Variants in B3GALT1 observed in about 807,000 individuals in gnomAD.
B3GALT1 encodes the protein UDP-Gal:betaGlcNAc beta 1,3-galactosyltransferase, polypeptide 1.
B3GALT1 carries 10 observed loss-of-function variants against 23.2 expected under a neutral mutation model. The observed-to-expected ratio is 0.43, with a 90% CI of 0.27 to 0.73. B3GALT1 has a LOEUF of 0.73. Ranked by LOEUF, B3GALT1 falls within the 30% of genes least tolerant of loss-of-function variation. The pLI is 0.21. For missense variants in B3GALT1, 299 were observed against 405.4 expected, an observed-to-expected ratio of 0.74 and a Z score of 2.25; for synonymous variants, 156 against 141.5, an observed-to-expected ratio of 1.10 and a Z score of -0.73.
intron 2 of B3GALT1, among the ~76,000 whole-genome samples, chr2:167,560,402 A>C (rs969469665): frequency 2.0e-5 from 3 of 152,224 alleles, no homozygotes; most frequent in East Asian, 1.9e-4. Context: ...ATCAACTAAC[A>C]AGCAAAATAA....
intron 1 of B3GALT1, among the ~76,000 whole-genome samples, chr2:167,345,842 G>A (rs1697216395): frequency 6.6e-6 from 1 of 152,106 alleles, no homozygotes; most frequent in Non-Finnish European, 1.5e-5. Flanking sequence ...GCTTCACTGA[G>A]TGGAGTCTTA....
At chr2:167,539,976 A>G (rs1240803359) in intron 2 of B3GALT1, among the ~76,000 whole-genome samples, 2 of 152,186 alleles carry the variant, frequency 1.3e-5, no homozygotes, top group Admixed American at 1.3e-4. Context: ...GGCATACTGA[A>G]TATGATTCAG....
chr2:167,573,703 C>A (rs995477850), intron 2 of B3GALT1, among the ~76,000 whole-genome samples: 2 of 151,580 alleles, frequency 1.3e-5, no homozygotes, highest in Non-Finnish European at 3.0e-5. Context: ...CTTAATTTTT[C>A]ACTTAATGTA....
At chr2:167,798,723 T>G (rs1186139691) in intron 3 of B3GALT1, among the ~76,000 whole-genome samples, 1 of 152,190 alleles carries the variant, frequency 6.6e-6, no homozygotes, top group Non-Finnish European at 1.5e-5. Flanking sequence ...GCATGATGCC[T>G]CCAACTTTGT....
rs974011441 is a variant in B3GALT1 at position 167,563,158 on chromosome 2, C to T, written c.-410+72881C>T. Reference sequence around the variant, plus strand: ...TCATCATGGCCCGGTCTCAGTGAGCCGCTGGGCACACCTCCCAGACAGGGT... The same window carrying T: ...TCATCATGGCCCGGTCTCAGTGAGCTGCTGGGCACACCTCCCAGACAGGGT... On this transcript the variant is annotated intron_variant, in intron 2 of 4. Transcript: ENST00000392690. Among the ~76,000 whole-genome samples the T allele has an allele frequency of 6.2e-4, 94 of 152,094 alleles. 1 individual carries two copies. The highest frequency in any genetic ancestry group is 1.8e-3 in the African/African-American group (73 of 41,470).
chr2:167,615,591 A>G (rs900267082), intron 2 of B3GALT1, among the ~76,000 whole-genome samples: 1 of 152,108 alleles, frequency 6.6e-6, no homozygotes, highest in African/African-American at 2.4e-5. Context: ...TGTCAATTCT[A>G]TTTATACATG....
intron 2 of B3GALT1, among the ~76,000 whole-genome samples, chr2:167,641,183 T>C (rs1685646981): frequency 2.0e-5 from 3 of 152,288 alleles, no homozygotes; most frequent in Admixed American, 2.0e-4. Context: ...ATAATTACAA[T>C]TATCAGCACT....
chr2:167,477,320 A>C (rs980011752), intron 1 of B3GALT1, among the ~76,000 whole-genome samples: 2 of 152,194 alleles, frequency 1.3e-5, no homozygotes, highest in Non-Finnish European at 2.9e-5. Context: ...ATCTCAGGTT[A>C]TATTCCATTA....
rs563033028 is a variant in B3GALT1, at chr2:167,829,384, G to A, written c.-230+10591G>A. On this transcript the variant is annotated intron_variant, in intron 4 of 4. Coordinates refer to ENST00000392690, the MANE Select transcript of B3GALT1 (RefSeq NM_020981.4). Reference sequence around the variant, plus strand: ...TGTAATCCCAGCTACTCAGAAGGCTGAGGCAGGAGAATCACTTGAATCTGG... The same window carrying A: ...TGTAATCCCAGCTACTCAGAAGGCTAAGGCAGGAGAATCACTTGAATCTGG... Among the ~76,000 whole-genome samples the A allele has an allele frequency of 9.9e-5, 15 of 151,960 alleles. No homozygotes were observed. The South Asian group carries it at 2.3e-3, about 23-fold the overall frequency.
chr2:167,661,829 G>A (rs1384893941), intron 3 of B3GALT1, among the ~76,000 whole-genome samples: 1 of 152,012 alleles, frequency 6.6e-6, no homozygotes, highest in Non-Finnish European at 1.5e-5. Flanking sequence ...AACCATAAAA[G>A]CAGTAAAACA....
chr2:167,442,941 G>T (rs1698918829), intron 1 of B3GALT1, among the ~76,000 whole-genome samples: 1 of 147,944 alleles, frequency 6.8e-6, no homozygotes. Context: ...TAGACATGAA[G>T]TCCTTGCCCA....
chr2:167,638,003 A>C (rs116244149), intron 2 of B3GALT1, among the ~76,000 whole-genome samples: 1,777 of 152,112 alleles, frequency 0.012, 16 homozygotes, highest in South Asian at 0.039. Context: ...AGAATCAGCA[A>C]AGCTGCTTCC....
At chr2:167,432,439 C>T (rs1698719800) in intron 1 of B3GALT1, among the ~76,000 whole-genome samples, 1 of 152,222 alleles carries the variant, frequency 6.6e-6, no homozygotes, top group South Asian at 2.1e-4. Flanking sequence ...TCTGCAAAGA[C>T]AGGGAAGAAA....
At chr2:167,672,205 G>A (rs961659048) in intron 3 of B3GALT1, among the ~76,000 whole-genome samples, 2 of 152,004 alleles carry the variant, frequency 1.3e-5, no homozygotes, top group African/African-American at 4.8e-5. Context: ...CTCATTTCAT[G>A]GACACCCTCC....
intron 3 of B3GALT1, among the ~76,000 whole-genome samples, chr2:167,688,456 A>G (rs1219288073): frequency 1.3e-5 from 2 of 152,170 alleles, no homozygotes; most frequent in Non-Finnish European, 2.9e-5. Context: ...ATCAAAAAAT[A>G]TAAAATATGA....
intron 3 of B3GALT1, among the ~76,000 whole-genome samples, chr2:167,659,895 CTG>C (rs1247604720): frequency 6.6e-6 from 1 of 152,018 alleles, no homozygotes; most frequent in Non-Finnish European, 1.5e-5. Flanking sequence ...CTGCCTGTCA[CTG>C]TGTAGTAGTG....
chr2:167,525,773 A>AT (rs1683209192), intron 2 of B3GALT1, among the ~76,000 whole-genome samples: 1 of 115,122 alleles, frequency 8.7e-6, no homozygotes, highest in East Asian at 4.4e-4. Context: ...ACACCTGGCT[A>AT]ATTTTTTTTT....
At chr2:167,455,103 T>C (rs374431074) in intron 1 of B3GALT1, among the ~76,000 whole-genome samples, 1 of 152,240 alleles carries the variant, frequency 6.6e-6, no homozygotes, top group Non-Finnish European at 1.5e-5. Context: ...AAATAGAAAC[T>C]TATCCACATA....
At chr2:167,445,497 G>A (rs568573472) in intron 1 of B3GALT1, among the ~76,000 whole-genome samples, 1 of 152,166 alleles carries the variant, frequency 6.6e-6, no homozygotes, top group South Asian at 2.1e-4. Flanking sequence ...TGTGTGGGAG[G>A]CTAAGTCTCT....
Sources: gnomAD v4.1 joint callset for allele counts (sites outside exome capture counted in the v4.1 genomes callset) on GRCh38, gnomAD v4.1.1 for gene constraint, MANE v1.5 for transcripts, NCBI Gene and HGNC (gene_info 2026-07-23, HGNC 2026-07-21) for gene names.